Variants in STPG2 observed in about 807,000 individuals in gnomAD.
STPG2 encodes sperm-tail PG-rich repeat-containing protein 2.
In STPG2, 56 loss-of-function variants were observed where a neutral mutation model predicts 54.2. The ratio of observed to expected loss-of-function variants is 1.03; its 90% CI spans 0.83 to 1.29. The LOEUF is 1.29. Among genes scored for constraint, STPG2 ranks in the 50% most tolerant of loss-of-function variants. The pLI is 0.00. For synonymous variants in STPG2, 200 were observed against 181.8 expected, an observed-to-expected ratio of 1.10 and a Z score of -0.81; for missense variants, 596 against 544.9, an observed-to-expected ratio of 1.09 and a Z score of -0.93.
intron 10 of STPG2, among the ~76,000 whole-genome samples, chr4:97,665,936 G>A (rs574356188): frequency 3.9e-5 from 6 of 152,120 alleles, no homozygotes; most frequent in Non-Finnish European, 7.4e-5. Context: ...GGTACATACC[G>A]GGAGTAGGGA....
At chr4:97,562,587 A>G (rs1215595533) in intron 10 of STPG2, among the ~76,000 whole-genome samples, 2 of 152,118 alleles carry the variant, frequency 1.3e-5, no homozygotes, top group African/African-American at 4.8e-5. Flanking sequence ...TTTGTCATAG[A>G]TAGCTGTTAT....
intron 9 of STPG2, among the ~76,000 whole-genome samples, chr4:97,763,589 C>T (rs980283497): frequency 6.6e-6 from 1 of 152,044 alleles, no homozygotes; most frequent in Non-Finnish European, 1.5e-5. Flanking sequence ...TTATTTTATG[C>T]CTATTGTCCG....
chr4:97,866,337 C>T (rs886898833), intron 8 of STPG2, among the ~76,000 whole-genome samples: 1 of 151,846 alleles, frequency 6.6e-6, no homozygotes, highest in Admixed American at 6.6e-5. Context: ...CACTGTATGC[C>T]TGTATCAAAG....
intron 5 of STPG2, chr4:98,025,654 T>C (rs1313914723): frequency 2.2e-6 from 2 of 919,152 alleles, no homozygotes; most frequent in Non-Finnish European, 3.6e-6. Context: ...GTATGAAGGA[T>C]GGCCTAACAA....
intron 4 of STPG2, among the ~76,000 whole-genome samples, chr4:97,480,299 G>C (rs990982344): frequency 2.6e-5 from 4 of 151,530 alleles, no homozygotes; most frequent in African/African-American, 4.8e-5. Flanking sequence ...TCATTTAAAA[G>C]TCTTTCCGGT....
intron 9 of STPG2, among the ~76,000 whole-genome samples, chr4:97,732,209 G>A (rs1038203924): frequency 6.6e-6 from 1 of 152,166 alleles, no homozygotes; most frequent in African/African-American, 2.4e-5. Flanking sequence ...TCTGGGCTTG[G>A]CACAGGCTGG....
chr4:98,050,044 G>A (rs577028427), intron 5 of STPG2, among the ~76,000 whole-genome samples: 1 of 152,232 alleles, frequency 6.6e-6, no homozygotes, highest in South Asian at 2.1e-4. Context: ...TGAAGAGATA[G>A]AGAGGAAGCA....
At chr4:97,456,563 C>G (rs1461701385) in intron 4 of STPG2, among the ~76,000 whole-genome samples, 1 of 151,872 alleles carries the variant, frequency 6.6e-6, no homozygotes, top group Non-Finnish European at 1.5e-5. Flanking sequence ...GAATGTTATA[C>G]AAAATATACA....
intron 5 of STPG2, among the ~76,000 whole-genome samples, chr4:98,011,734 G>A (rs1351452556): frequency 1.3e-5 from 2 of 152,088 alleles, no homozygotes; most frequent in African/African-American, 4.8e-5. Flanking sequence ...TTTTTCATAT[G>A]TTTGTTGGCT....
At chr4:97,783,697 T>A (rs1409302160) in intron 9 of STPG2, among the ~76,000 whole-genome samples, 1 of 151,458 alleles carries the variant, frequency 6.6e-6, no homozygotes, top group Non-Finnish European at 1.5e-5. Flanking sequence ...AGTGATAGAC[T>A]GGATTAAGAA....
At chr4:97,498,690 C>A (rs1345747355) in intron 4 of STPG2, among the ~76,000 whole-genome samples, 2 of 150,214 alleles carry the variant, frequency 1.3e-5, no homozygotes, top group South Asian at 2.1e-4. Flanking sequence ...AAACAAGAAA[C>A]AAAAATACAA....
chr4:97,664,398 G>A (rs1341476199), intron 10 of STPG2, among the ~76,000 whole-genome samples: 1 of 152,116 alleles, frequency 6.6e-6, no homozygotes, highest in African/African-American at 2.4e-5. Context: ...ATATAAGCCA[G>A]GCACTTCACG....
chr4:97,838,528 C>CA (rs554353750), intron 9 of STPG2, among the ~76,000 whole-genome samples: 23 of 149,618 alleles, frequency 1.5e-4, no homozygotes, highest in African/African-American at 4.4e-4. Flanking sequence ...TTATATTGAT[C>CA]AAAAAAAACG....
At chr4:98,110,481 G>A (rs1578174627) in intron 3 of STPG2, among the ~76,000 whole-genome samples, 2 of 152,056 alleles carry the variant, frequency 1.3e-5, no homozygotes, top group South Asian at 4.1e-4. Flanking sequence ...CACTGCACAC[G>A]TGGCCCCTCT....
chr4:98,109,436 G>A (rs10021709), intron 3 of STPG2, 131 bp from the exon 4 acceptor site: 236,237 of 618,844 alleles, frequency 0.38, 46,597 homozygotes, highest in African/African-American at 0.45. Context: ...ACTGGTAAAT[G>A]CTAAAGTGCT....
intron 10 of STPG2, among the ~76,000 whole-genome samples, chr4:97,655,113 C>T (rs951788332): frequency 1.3e-5 from 2 of 151,984 alleles, no homozygotes; most frequent in Non-Finnish European, 2.9e-5. Context: ...ATGTGTTTTA[C>T]ACTCATAATG....
At chr4:97,849,165 T>C (rs1386292071) in intron 8 of STPG2, among the ~76,000 whole-genome samples, 1 of 149,036 alleles carries the variant, frequency 6.7e-6, no homozygotes, top group Non-Finnish European at 1.5e-5. Context: ...TTGTATCCTC[T>C]TTTATTTCCT....
At chr4:98,115,504 A>C (rs908077991) in intron 3 of STPG2, among the ~76,000 whole-genome samples, 1 of 152,028 alleles carries the variant, frequency 6.6e-6, no homozygotes, top group African/African-American at 2.4e-5. Flanking sequence ...AACATTTGTC[A>C]CTTAGAGTCT....
intron 9 of STPG2, among the ~76,000 whole-genome samples, chr4:97,790,343 T>G (rs1726954597): frequency 6.6e-6 from 1 of 152,168 alleles, no homozygotes; most frequent in Non-Finnish European, 1.5e-5. Flanking sequence ...TACCACAAAT[T>G]TGCTGGCTTA....
Sources: allele counts gnomAD v4.1 joint callset (sites outside exome capture counted in the v4.1 genomes callset), GRCh38; gene constraint gnomAD v4.1.1; transcripts MANE v1.5; gene names NCBI Gene and HGNC (gene_info 2026-07-23, HGNC 2026-07-21).